GABRA2: variants seen among roughly 807,000 people sequenced by gnomAD.
GABRA2 encodes the protein gamma-aminobutyric acid type A receptor subunit alpha2.
Under a neutral mutation model 48.7 loss-of-function variants are expected in GABRA2, and 16 were observed. The observed-to-expected ratio is 0.33, with a 90% CI of 0.22 to 0.50. The LOEUF is 0.50. Ranked by LOEUF, GABRA2 falls within the 20% of genes least tolerant of loss-of-function variation. GABRA2 has a pLI of 0.98. For synonymous variants in GABRA2, 185 were observed against 184.5 expected (o/e 1.00, Z -0.02); for missense variants, 275 against 535.6 (o/e 0.51, Z 4.80).
At chr4:46,256,495 G>C in intron 9 of GABRA2, 1 of 408,252 alleles carries the variant, frequency 2.4e-6, no homozygotes, top group Non-Finnish European at 4.4e-6. Context: ...TTTTTCAAAA[G>C]GCAATTTCAG....
intron 3 of GABRA2, among the ~76,000 whole-genome samples, chr4:46,382,167 T>C (rs1019149681): frequency 6.8e-6 from 1 of 146,446 alleles, no homozygotes; most frequent in Non-Finnish European, 1.5e-5. Flanking sequence ...TATATATATA[T>C]ACACAAACAT....
chr4:46,326,552 C>T (rs1730410811), intron 4 of GABRA2, among the ~76,000 whole-genome samples: 1 of 151,354 alleles, frequency 6.6e-6, no homozygotes, highest in African/African-American at 2.4e-5. Context: ...ATGGAACCAC[C>T]CTTCATTTTG....
chr4:46,272,883 T>A (rs184814890), intron 8 of GABRA2, among the ~76,000 whole-genome samples: 2 of 152,078 alleles, frequency 1.3e-5, no homozygotes, highest in Non-Finnish European at 2.9e-5. Flanking sequence ...TCACTTACTT[T>A]CAAGAGCAAT....
At chr4:46,290,241 T>G (rs1296577998) in intron 8 of GABRA2, among the ~76,000 whole-genome samples, 5 of 151,968 alleles carry the variant, frequency 3.3e-5, no homozygotes, top group Non-Finnish European at 7.4e-5. Flanking sequence ...TCAATGTTGT[T>G]TAGGTTTTTT....
chr4:46,315,574 C>T (rs867550381), intron 4 of GABRA2, among the ~76,000 whole-genome samples: 1 of 151,894 alleles, frequency 6.6e-6, no homozygotes, highest in Admixed American at 6.6e-5. Flanking sequence ...CCCTTGAACA[C>T]CTGCAAAAAA....
At chr4:46,330,822 C>T (rs1175131672) in intron 4 of GABRA2, among the ~76,000 whole-genome samples, 1 of 151,846 alleles carries the variant, frequency 6.6e-6, no homozygotes, top group East Asian at 1.9e-4. Flanking sequence ...ATGCTAATTT[C>T]TCAATGTAGT....
At chr4:46,310,886 G>C (rs979126889) in intron 5 of GABRA2, among the ~76,000 whole-genome samples, 1 of 152,080 alleles carries the variant, frequency 6.6e-6, no homozygotes, top group Admixed American at 6.6e-5. Context: ...ACAACAAAGA[G>C]TAGTCATAGA....
chr4:46,345,311 A>C (rs1174120748), intron 3 of GABRA2, among the ~76,000 whole-genome samples: 1 of 151,822 alleles, frequency 6.6e-6, no homozygotes, highest in Non-Finnish European at 1.5e-5. Context: ...GGACTAATAC[A>C]CCACGTAAGA....
intron 3 of GABRA2, among the ~76,000 whole-genome samples, chr4:46,339,031 A>C (rs1181200937): frequency 1.3e-5 from 2 of 152,020 alleles, no homozygotes; most frequent in East Asian, 3.9e-4. Flanking sequence ...TTCCCAACAC[A>C]ATGGAATATA....
chr4:46,256,825 GAT>G (rs1323634667), intron 9 of GABRA2, among the ~76,000 whole-genome samples: 1 of 151,654 alleles, frequency 6.6e-6, no homozygotes, highest in Non-Finnish European at 1.5e-5. Flanking sequence ...TTGAAAATGT[GAT>G]GTTTTCTATG....
At chr4:46,389,491 A>AAT in intron 1 of GABRA2, 1 of 764,774 alleles carries the variant, frequency 1.3e-6, no homozygotes, top group Non-Finnish European at 1.6e-6. Context: ...TGAAGACTAT[A>AAT]AAAGAGCCAG....
intron 4 of GABRA2, among the ~76,000 whole-genome samples, chr4:46,324,513 T>C (rs1296210851): frequency 2.0e-5 from 3 of 152,052 alleles, no homozygotes; most frequent in Non-Finnish European, 4.4e-5. Context: ...GAAATTTTTA[T>C]TTTAAAAATC....
rs546169531 is a variant in GABRA2, at chr4:46,345,173, T to A, written c.188-12491A>T. Among the ~76,000 whole-genome samples the A allele has an allele frequency of 3.9e-5, 6 of 152,042 alleles. No individual in the cohort carries two copies. The East Asian group carries it at 7.8e-4, about 20-fold the overall frequency. On this transcript the variant is annotated intron_variant, in intron 3 of 9. Coordinates refer to ENST00000381620, the MANE Select transcript of GABRA2 (RefSeq NM_000807.4). The stretch of plus-strand genomic sequence containing the variant: ...CACCTGCTACCATGTAAGATGTGCC[T>A]CTTCCCCTTCCACTATGATTTTAAG...
intron 4 of GABRA2, among the ~76,000 whole-genome samples, chr4:46,321,001 A>G (rs1729355999): frequency 1.3e-5 from 2 of 152,002 alleles, no homozygotes; most frequent in African/African-American, 4.8e-5. Flanking sequence ...GCATGAATAA[A>G]TTATTTAAAC....
chr4:46,267,174 A>G (rs1027965133), intron 8 of GABRA2, among the ~76,000 whole-genome samples: 1 of 152,026 alleles, frequency 6.6e-6, no homozygotes, highest in Admixed American at 6.6e-5. Context: ...ATATTCAACA[A>G]TCTTAATTGG....
intron 8 of GABRA2, among the ~76,000 whole-genome samples, chr4:46,294,511 C>T (rs927207018): frequency 6.6e-6 from 1 of 152,168 alleles, no homozygotes; most frequent in Non-Finnish European, 1.5e-5. Context: ...ACCTGAAAGG[C>T]TGCCAGTTTT....
At chr4:46,285,347 A>G (rs1722353158) in intron 8 of GABRA2, among the ~76,000 whole-genome samples, 1 of 152,062 alleles carries the variant, frequency 6.6e-6, no homozygotes, top group Non-Finnish European at 1.5e-5. Flanking sequence ...TATTTTATAT[A>G]TATTTATCAT....
intron 3 of GABRA2, among the ~76,000 whole-genome samples, chr4:46,369,650 TATTCAACATATATG>T (rs1401380468): frequency 6.6e-6 from 1 of 152,102 alleles, no homozygotes; most frequent in Non-Finnish European, 1.5e-5. Flanking sequence ...TTTGTCTATC[TATTCAACATATATG>T]ATTACTGTTA....
chr4:46,381,216 A>G (rs888721312), intron 3 of GABRA2, among the ~76,000 whole-genome samples: 2 of 152,202 alleles, frequency 1.3e-5, no homozygotes, highest in Non-Finnish European at 2.9e-5. Flanking sequence ...CTACACATTC[A>G]ATTTTCCAAT....
Sources: gnomAD v4.1 joint callset for allele counts (sites outside exome capture counted in the v4.1 genomes callset) on GRCh38, gnomAD v4.1.1 for gene constraint, MANE v1.5 for transcripts, NCBI Gene and HGNC (gene_info 2026-07-23, HGNC 2026-07-21) for gene names.